Variants in C4orf50 observed in about 807,000 individuals in gnomAD.
C4orf50 encodes uncharacterized protein C4orf50.
Under a neutral mutation model 77.2 loss-of-function variants are expected in C4orf50, and 80 were observed. That is an observed-to-expected ratio of 1.04 (90% CI 0.87 to 1.25). The LOEUF (loss-of-function observed/expected upper bound fraction) is 1.25. Ranked by LOEUF, C4orf50 falls within the 50% of genes most tolerant of loss-of-function variation. The pLI, the probability that C4orf50 is intolerant of heterozygous loss-of-function variation, is 0.00. For missense variants in C4orf50, 1,257 were observed against 1,152.9 expected (o/e 1.09, Z -1.31); for synonymous variants, 532 against 465.3 (o/e 1.14, Z -1.84).
At chr4:5,934,116 C>T (rs1444383067) in intron 7 of C4orf50, among the ~76,000 whole-genome samples, 6 of 151,946 alleles carry the variant, frequency 3.9e-5, no homozygotes, top group Non-Finnish European at 5.9e-5. Flanking sequence ...CAATTCACTT[C>T]GCCTCCCTGC....
chr4:6,003,910 TTGATGATGGTGGTGATGG>T (rs1722001187), intron 25 of C4orf50, among the ~76,000 whole-genome samples: 2 of 18,520 alleles, frequency 1.1e-4, no homozygotes, highest in Non-Finnish European at 2.0e-4. Context: ...GATGGTGATG[TTGATGATGGTGGTGATGG>T]TGATGATGGT....
chr4:5,989,810 G>A (rs919616708), exon 28 of C4orf50: 2 of 1,503,224 alleles, frequency 1.3e-6, no homozygotes. Flanking sequence ...GGCTCCTCGG[G>A]GGCACCCCTG....
chr4:5,991,314 C>T (rs1016963767), intron 27 of C4orf50, among the ~76,000 whole-genome samples: 3 of 152,176 alleles, frequency 2.0e-5, no homozygotes, highest in African/African-American at 4.8e-5. Context: ...GTGGCAATAG[C>T]CCCATGTGGC....
At position 5,920,587 on chromosome 4, in the gene C4orf50, C is replaced by T. The variant is rs144848753; in HGVS notation, c.*2475-22399G>A. On this transcript the variant is annotated intron_variant, in intron 7 of 7. Coordinates refer to the C4orf50 transcript ENST00000324058. Reference sequence around the variant, plus strand: ...CATTTCCTGGGTTCAAGCTATTCTCCTGCCTCACCCTCCCAAGTAGCTGGG... The same window carrying T: ...CATTTCCTGGGTTCAAGCTATTCTCTTGCCTCACCCTCCCAAGTAGCTGGG... Among the ~76,000 whole-genome samples, 577 of 151,654 alleles carry T rather than the reference C, an allele frequency of 3.8e-3. 1 individual carries two copies. The highest frequency in any genetic ancestry group is 0.017 in the Middle Eastern group (5 of 290).
intron 7 of C4orf50, among the ~76,000 whole-genome samples, chr4:5,922,232 T>TGACAGTGATGCACGG (rs1577890140): frequency 6.6e-6 from 1 of 152,154 alleles, no homozygotes; most frequent in South Asian, 2.1e-4. Flanking sequence ...GCGATGCACG[T>TGACAGTGATGCACGG]GACAGTGATG....
At chr4:5,935,837 C>T (rs955116193) in intron 7 of C4orf50, among the ~76,000 whole-genome samples, 13 of 142,474 alleles carry the variant, frequency 9.1e-5, no homozygotes, top group African/African-American at 3.2e-4. Context: ...TTACAAAACG[C>T]CCAAGAAAAC....
chr4:5,956,069 G>C (rs958255663), downstream of C4orf50, among the ~76,000 whole-genome samples: 3 of 152,180 alleles, frequency 2.0e-5, no homozygotes, highest in East Asian at 1.9e-4. Flanking sequence ...ATATAACCAC[G>C]GGGATAGGTT....
At chr4:5,989,592 G>A (rs1721133268) in exon 28 of C4orf50, 11 of 1,536,014 alleles carry the variant, frequency 7.2e-6, no homozygotes, top group South Asian at 3.6e-5. Flanking sequence ...GCTGCAGGGT[G>A]GACAGCTGCT....
At chr4:6,003,558 G>C (rs1282104094) in intron 25 of C4orf50, among the ~76,000 whole-genome samples, 4 of 151,900 alleles carry the variant, frequency 2.6e-5, no homozygotes, top group African/African-American at 9.7e-5. Flanking sequence ...CTGTGATGGT[G>C]ATGGTGATTA....
In C4orf50 at chr4:6,008,065, G is replaced by A. The variant is rs1722317534; in HGVS notation, c.894C>T (p.Asp298=). ...GCAGGCACTGGTTTTGCTGGGCGAG[G>A]TCCTCCACCTGGCCCTGCAGGCCAA... Residue 298 remains aspartate (D), a synonymous_variant, in exon 25 of 34, where the codon GAC becomes GAT. Coordinates refer to ENST00000531445, the Ensembl canonical transcript of C4orf50. This position sits in a 1 kb window ranked among gnomAD's most constrained non-coding sequence, Gnocchi z 6.0. 2.5e-6 allele frequency: 1 copy of A among 399,168 alleles called. No homozygotes were observed. The highest frequency in any genetic ancestry group is 4.4e-6 in the Non-Finnish European group (1 of 226,270). The allele number at this position is 399,168 out of a possible 1,614,324, so 24.7% of individuals were successfully genotyped here.
At chr4:5,914,861 A>G (rs1336942125) in intron 7 of C4orf50, among the ~76,000 whole-genome samples, 1 of 152,198 alleles carries the variant, frequency 6.6e-6, no homozygotes, top group African/African-American at 2.4e-5. Context: ...GATAAAAGCC[A>G]TTTCCATCAA....
intron 7 of C4orf50, among the ~76,000 whole-genome samples, chr4:5,945,418 G>A (rs1718438708): frequency 6.6e-6 from 1 of 152,208 alleles, no homozygotes; most frequent in Non-Finnish European, 1.5e-5. Flanking sequence ...CTGCATTTAA[G>A]TAGCCCGGCC....
At position 6,018,093 on chromosome 4, in the gene C4orf50, T is replaced by C. The variant is rs889491485; in HGVS notation, c.287+52A>G. 5.0e-6 allele frequency: 2 copies of C among 398,050 alleles called. No homozygotes were observed. The highest frequency in any genetic ancestry group is 8.8e-6 in the Non-Finnish European group (2 of 226,058). The allele number at this position is 398,050 out of a possible 1,614,324, so 24.7% of individuals were successfully genotyped here. ...AACACACCATGGTGACACACTCTGA[T>C]GGCCCCGCGGTTTGTGAAATACACA... On this transcript the variant is annotated intron_variant, in intron 23 of 33. Transcript: ENST00000531445. The surrounding 1 kb of genome is among the most constrained non-coding windows in gnomAD (Gnocchi z 5.1).
At chr4:5,922,007 C>A (rs1236970601) in intron 7 of C4orf50, among the ~76,000 whole-genome samples, 1 of 152,196 alleles carries the variant, frequency 6.6e-6, no homozygotes, top group Non-Finnish European at 1.5e-5. Context: ...GGAACAGCAG[C>A]CCCCTGCTCT....
At chr4:5,950,040 G>GT (rs1456691851) in intron 7 of C4orf50, among the ~76,000 whole-genome samples, 4 of 151,386 alleles carry the variant, frequency 2.6e-5, no homozygotes, top group African/African-American at 9.7e-5. Context: ...AATTTTATAG[G>GT]TTGGTGCAAA....
intron 28 of C4orf50, among the ~76,000 whole-genome samples, chr4:5,981,180 C>T (rs1720561876): frequency 6.6e-6 from 1 of 152,092 alleles, no homozygotes; most frequent in Non-Finnish European, 1.5e-5. Context: ...TCCCTTAACA[C>T]CGTGTTCTGG....
chr4:5,978,323 A>G (rs377338145), intron 29 of C4orf50, among the ~76,000 whole-genome samples: 1 of 152,094 alleles, frequency 6.6e-6, no homozygotes, highest in African/African-American at 2.4e-5. Context: ...TGAGAACTAT[A>G]AAAAAAAGAA....
At chr4:6,016,154 G>T (rs1722675977) in intron 23 of C4orf50, among the ~76,000 whole-genome samples, 1 of 152,208 alleles carries the variant, frequency 6.6e-6, no homozygotes, top group Admixed American at 6.5e-5. Context: ...TTTAACATTA[G>T]AAGTGTTTGG....
chr4:5,933,917 G>C (rs965978668), intron 7 of C4orf50, among the ~76,000 whole-genome samples: 3 of 152,136 alleles, frequency 2.0e-5, no homozygotes, highest in Admixed American at 2.0e-4. Context: ...GAGGTCAGGA[G>C]AGGACGAGAC....
Sources: gnomAD v4.1 joint callset for allele counts (sites outside exome capture counted in the v4.1 genomes callset) on GRCh38, gnomAD v4.1.1 for gene constraint, Gnocchi (gnomAD v3.1) non-coding constraint, MANE v1.5 for transcripts, NCBI Gene and HGNC (gene_info 2026-07-23, HGNC 2026-07-21) for gene names.